The following SLC8A2 variants were observed in gnomAD, a reference collection of about 807,000 sequenced individuals.
SLC8A2 encodes sodium/calcium exchanger 2.
In SLC8A2, 14 loss-of-function variants were observed where a neutral mutation model predicts 70.2. The ratio of observed to expected loss-of-function variants is 0.20; its 90% CI spans 0.13 to 0.31. The LOEUF (loss-of-function observed/expected upper bound fraction) is 0.31. Among genes scored for constraint, SLC8A2 ranks in the 10% least tolerant of loss-of-function variants. SLC8A2 has a pLI of 1.00. For missense variants in SLC8A2, 779 were observed against 1,320.1 expected (o/e 0.59, Z 6.35); for synonymous variants, 575 against 594.3 (o/e 0.97, Z 0.47).
In SLC8A2 at chr19:47,428,715, A is replaced by G. The variant is rs1340247234; in HGVS notation, c.*1374T>C. ...GCAACTTTTACAGAAATCACAGAAA[A>G]GAGACAGCGACTGATGATGAGCTGG... On this transcript the variant is annotated 3_prime_UTR_variant, in exon 10 of 10. Coordinates refer to ENST00000236877, the MANE Select transcript of SLC8A2 (RefSeq NM_015063.3). The G allele has an allele frequency of 6.6e-6, 1 of 152,594 alleles. No individual in the cohort carries two copies. The highest frequency in any genetic ancestry group is 2.4e-5 in the African/African-American group (1 of 41,416). The allele number at this position is 152,594 out of a possible 1,614,324, so 9.5% of individuals were successfully genotyped here.
chr19:47,457,443 G>T lies in SLC8A2; in HGVS notation c.827C>A (p.Pro276His). Residue 276 changes from proline (P) to histidine (H), a missense_variant, in exon 3 of 10, where the codon CCC becomes CAC. Physicochemically the swap from Pro to His is moderately conservative, Grantham distance 77. Around this residue, in one of 6 missense-constraint regions of SLC8A2, gnomAD observed 186 missense variants for 246.6 expected, o/e 0.75. Transcript: ENST00000236877. ...GCCGTCCAGCTCGATGCTCTTCGGG[G>T]GGTCGCCCTCGGCGCCTATGATGAT... ...SGIIIGAEGD[P>H]PKSIELDGTF... 6.2e-7 allele frequency: 1 copy of T among 1,605,258 alleles called. No individual in the cohort carries two copies. The highest frequency in any genetic ancestry group is 8.5e-7 in the Non-Finnish European group (1 of 1,177,098).
chr19:47,441,502 AGGCAACCCTCCT>A, intron 4 of SLC8A2, 62 bp from the exon 5 acceptor site: 1 of 980,908 alleles, frequency 1.0e-6, no homozygotes, highest in Non-Finnish European at 1.6e-6. Flanking sequence ...CAGACTCACC[AGGCAACCCTCCT>A]GGCAGCCACC....
intron 6 of SLC8A2, among the ~76,000 whole-genome samples, chr19:47,440,873 G>T (rs1967091689): frequency 6.6e-6 from 1 of 152,136 alleles, no homozygotes; most frequent in South Asian, 2.1e-4. Context: ...TTATAGGTGT[G>T]AGCCACCGCA....
intron 4 of SLC8A2, among the ~76,000 whole-genome samples, chr19:47,445,243 G>T (rs1312744384): frequency 6.6e-6 from 1 of 152,122 alleles, no homozygotes; most frequent in East Asian, 1.9e-4. Flanking sequence ...CGAGTAGCTG[G>T]GATTACAGGT....
chr19:47,452,177 T>C (rs527847086), intron 3 of SLC8A2, among the ~76,000 whole-genome samples: 1 of 152,176 alleles, frequency 6.6e-6, no homozygotes, highest in South Asian at 2.1e-4. Context: ...GTCATGGTAT[T>C]TGCAACTCGT....
rs1275457217 is a variant in SLC8A2, at chr19:47,441,429, T to G, written c.1775A>C (p.Gln592Pro). 6 of 1,610,306 alleles carry G rather than the reference T, an allele frequency of 3.7e-6. No homozygotes were observed. The South Asian group carries it at 4.4e-5, about 12-fold the overall frequency. Residue 592 changes from glutamine (Q) to proline (P), a missense_variant, in exon 5 of 10, where the codon CAG (glutamine) becomes CCG (proline). Around this residue, in one of 6 missense-constraint regions of SLC8A2, gnomAD observed 247 missense variants for 362.8 expected, o/e 0.68. Transcript: ENST00000236877. ...FGDDETMKTL[Q>P]VKIVDDEEYE... ...TTCCTCGTCATCAACTATCTTCACC[T>G]GAAGAGTTTTCCTGTGCAGGGGGTA... is the stretch of plus-strand genomic sequence containing the variant.
intron 3 of SLC8A2, among the ~76,000 whole-genome samples, chr19:47,456,429 C>T (rs11880021): frequency 0.024 from 3,623 of 152,222 alleles, 123 homozygotes; most frequent in African/African-American, 0.083. Flanking sequence ...TCTGGGAGGC[C>T]GAGGCAGGTG....
At chr19:47,439,626 C>CTTCCTTCCTTCCTTCCTTCCTTCT (rs1967075167) in intron 6 of SLC8A2, among the ~76,000 whole-genome samples, 3 of 150,876 alleles carry the variant, frequency 2.0e-5, no homozygotes, top group African/African-American at 7.3e-5. Context: ...TTCTTCCTTC[C>CTTCCTTCCTTCCTTCCTTCCTTCT]TTCCTTCCTT....
chr19:47,470,917 GAGAGGAGTTT>G (rs59137023), intron 1 of SLC8A2, among the ~76,000 whole-genome samples: 52 of 152,164 alleles, frequency 3.4e-4, no homozygotes, highest in African/African-American at 1.2e-3. Flanking sequence ...CTGAAGTGGG[GAGAGGAGTTT>G]AGAGGACTCC....
chr19:47,466,124 T>C lies in SLC8A2; in HGVS notation c.280A>G (p.Met94Val). 2 of 1,614,182 alleles carry C rather than the reference T, an allele frequency of 1.2e-6. No individual in the cohort carries two copies. Among genetic ancestry groups the C allele is most frequent in the Non-Finnish European group, 1.7e-6 (2 of 1,180,040 alleles). Reference protein sequence around the residue: ...LGVSIIADRFMAAIEVITSKE... With the variant: ...LGVSIIADRFVAAIEVITSKE... ...GACGTGATGACCTCGATGGCCGCCATGAAACGGTCGGCGATGATGGACACT... is the reference window on the plus strand; with the variant it reads ...GACGTGATGACCTCGATGGCCGCCACGAAACGGTCGGCGATGATGGACACT... Residue 94 changes from methionine (M) to valine (V), a missense_variant, in exon 2 of 10, where the codon ATG becomes GTG. By Grantham distance (21) the Met-to-Val change is conservative. Coordinates refer to ENST00000236877, the MANE Select transcript of SLC8A2 (RefSeq NM_015063.3). The surrounding 1 kb of genome is among the most constrained non-coding windows in gnomAD (Gnocchi z 6.9).
rs1016556578 is a variant in SLC8A2 at position 47,448,231 on chromosome 19, G to A, written c.1341C>T (p.Ser447=). The change falls in exon 4 of 10, where the codon AGC becomes AGT. Residue 447 remains serine, a splice_region_variant and synonymous_variant. Coordinates refer to ENST00000236877, the MANE Select transcript of SLC8A2 (RefSeq NM_015063.3). This position sits in a 1 kb window ranked among gnomAD's most constrained non-coding sequence, Gnocchi z 4.8. ...CTGGTTTGAACACCAGCGTGCCCTC[G>A]CTGCGGCGGGGTGGGGAGGGGGAAG... ...SAKAGSDYEY[S]EGTLVFKPGE... 6.3e-7 allele frequency: 1 copy of A among 1,587,748 alleles called. No individual in the cohort carries two copies. Among genetic ancestry groups the A allele is most frequent in the African/African-American group, 1.3e-5 (1 of 74,432 alleles).
intron 3 of SLC8A2, among the ~76,000 whole-genome samples, chr19:47,452,445 A>AGAGAGAGAGAGTGT (rs1568444583): frequency 1.8e-5 from 1 of 54,060 alleles, no homozygotes; most frequent in Admixed American, 2.9e-4. Flanking sequence ...AGAGAGAGAG[A>AGAGAGAGAGAGTGT]GTGTGTGTGT....
Position 47,469,119 on chromosome 19 carries a change from CGTGTGTGTGT to C in SLC8A2, c.-17+2660_-17+2669del, listed in dbSNP as rs10670696. Among the ~76,000 whole-genome samples the C allele has an allele frequency of 2.3e-3, 325 of 143,250 alleles. 1 individual carries two copies. Among genetic ancestry groups the C allele is most frequent in the African/African-American group, 7.8e-3 (301 of 38,724 alleles). 94.0% of individuals were successfully genotyped at this position (143,250 alleles called of 152,430 possible). ...AGCAAGCGAGGAGCATGCCTGTGTG[CGTGTGTGTGT>C]GTGTGTGTGTGTGTGTGTGTGTGTG... is the stretch of plus-strand genomic sequence containing the variant. On this transcript the variant is annotated intron_variant, in intron 1 of 9. Transcript: ENST00000236877.
intron 4 of SLC8A2, among the ~76,000 whole-genome samples, chr19:47,444,132 T>C (rs1226991863): frequency 6.6e-6 from 1 of 152,102 alleles, no homozygotes; most frequent in African/African-American, 2.4e-5. Flanking sequence ...TGGCCTCAAG[T>C]GATCCTCCCA....
intron 1 of SLC8A2, among the ~76,000 whole-genome samples, chr19:47,467,259 T>G (rs191934574): frequency 6.6e-6 from 1 of 152,322 alleles, no homozygotes; most frequent in East Asian, 1.9e-4. Flanking sequence ...AATGGCTGAA[T>G]GAAGCCAAGC....
At chr19:47,450,812 G>C (rs1479106639) in intron 3 of SLC8A2, among the ~76,000 whole-genome samples, 1 of 152,004 alleles carries the variant, frequency 6.6e-6, no homozygotes, top group East Asian at 1.9e-4. Context: ...TGTGGAATGG[G>C]CTAATAATAG....
chr19:47,442,349 C>T (rs1323798243), intron 4 of SLC8A2, among the ~76,000 whole-genome samples: 2 of 152,180 alleles, frequency 1.3e-5, no homozygotes, highest in Non-Finnish European at 2.9e-5. Context: ...GCATTCCTCC[C>T]CTGTGCAAAA....
chr19:47,471,003 C>T (rs920107416), intron 1 of SLC8A2, among the ~76,000 whole-genome samples: 3 of 151,244 alleles, frequency 2.0e-5, no homozygotes, highest in African/African-American at 4.9e-5. Flanking sequence ...CTGCCAGGGG[C>T]GGAGACAAAG....
At chr19:47,433,129 G>A (rs1285350438) in intron 8 of SLC8A2, among the ~76,000 whole-genome samples, 2 of 152,182 alleles carry the variant, frequency 1.3e-5, no homozygotes, top group South Asian at 2.1e-4. Context: ...CCCCAAGACC[G>A]TTTGCTGCCA....
Sources: allele counts gnomAD v4.1 joint callset (sites outside exome capture counted in the v4.1 genomes callset), GRCh38; gene constraint gnomAD v4.1.1; regional missense constraint gnomAD v4.1.1; non-coding constraint Gnocchi (gnomAD v3.1); transcripts MANE v1.5; gene names NCBI Gene and HGNC (gene_info 2026-07-23, HGNC 2026-07-21).